Variants in SFMBT2 observed in about 807,000 individuals in gnomAD.
The protein encoded by SFMBT2 is scm-like with four MBT domains protein 2.
SFMBT2 carries 38 observed loss-of-function variants against 110.1 expected under a neutral mutation model. The observed-to-expected ratio is 0.35, with a 90% CI of 0.27 to 0.45. The LOEUF is 0.45. Ranked by LOEUF, SFMBT2 falls within the 20% of genes least tolerant of loss-of-function variation. The pLI is 1.00. For missense variants in SFMBT2, 1,011 were observed against 1,094.9 expected, an observed-to-expected ratio of 0.92 and a Z score of 1.08; for synonymous variants, 425 against 425.4, an observed-to-expected ratio of 1.00 and a Z score of 0.01.
At chr10:7,398,621 T>C (rs1395253077) in intron 1 of SFMBT2, among the ~76,000 whole-genome samples, 1 of 152,058 alleles carries the variant, frequency 6.6e-6, no homozygotes. Flanking sequence ...ATGGTGTAAA[T>C]GGGGCCTTAT....
At chr10:7,288,427 T>C (rs984998212) in intron 4 of SFMBT2, among the ~76,000 whole-genome samples, 8 of 152,320 alleles carry the variant, frequency 5.3e-5, no homozygotes, top group South Asian at 2.1e-4. Flanking sequence ...CATACTCACA[T>C]GGAAATACAA....
intron 4 of SFMBT2, among the ~76,000 whole-genome samples, chr10:7,325,710 T>A (rs542574428): frequency 1.3e-5 from 2 of 152,340 alleles, no homozygotes; most frequent in African/African-American, 4.8e-5. Flanking sequence ...ATCTTTTATC[T>A]ACTTAACAAT....
At chr10:7,407,465 C>T (rs1846250765) in intron 1 of SFMBT2, among the ~76,000 whole-genome samples, 1 of 152,074 alleles carries the variant, frequency 6.6e-6, no homozygotes, top group African/African-American at 2.4e-5. Flanking sequence ...AATTGGTTTC[C>T]CACCAATGGC....
intron 6 of SFMBT2, among the ~76,000 whole-genome samples, chr10:7,278,570 G>T (rs1487419303): frequency 6.6e-6 from 1 of 152,216 alleles, no homozygotes. Context: ...TTTCCAGCAA[G>T]CTGGGCAGGC....
chr10:7,306,764 A>C (rs1175718241), intron 4 of SFMBT2, among the ~76,000 whole-genome samples: 1 of 152,148 alleles, frequency 6.6e-6, no homozygotes, highest in Non-Finnish European at 1.5e-5. Flanking sequence ...AAGGAAAGAG[A>C]AAATGATATG....
rs1202915065 is a variant in SFMBT2, at chr10:7,368,244, C to T, written c.196-355G>A. The T allele has an allele frequency of 1.3e-5, 9 of 708,876 alleles. No homozygotes were observed. The South Asian group carries it at 4.4e-4, about 35-fold the overall frequency. 43.9% of individuals were successfully genotyped at this position (708,876 alleles called of 1,614,324 possible). ...CCTCTAAAACCTGGTGTGTATTCTA[C>T]ACTCAGAGCACATCTGAATGTGGAC... On this transcript the variant is annotated intron_variant, in intron 3 of 20. Transcript: ENST00000397167.
intron 1 of SFMBT2, among the ~76,000 whole-genome samples, chr10:7,403,617 G>A (rs564402117): frequency 3.2e-4 from 48 of 152,226 alleles, no homozygotes; most frequent in Non-Finnish European, 5.7e-4. Flanking sequence ...ACTCCAGCCT[G>A]GATGACAGAG....
intron 4 of SFMBT2, among the ~76,000 whole-genome samples, chr10:7,323,567 G>T (rs544867452): frequency 3.3e-5 from 5 of 151,950 alleles, no homozygotes; most frequent in African/African-American, 1.2e-4. Flanking sequence ...TATTACATGG[G>T]GTTTCAACTA....
chr10:7,351,594 G>A (rs866175012), intron 4 of SFMBT2, among the ~76,000 whole-genome samples: 7 of 152,118 alleles, frequency 4.6e-5, no homozygotes, highest in Non-Finnish European at 8.8e-5. Context: ...AAACATTCAC[G>A]CAGCCTTACT....
intron 1 of SFMBT2, among the ~76,000 whole-genome samples, chr10:7,402,683 A>G (rs971331303): frequency 5.9e-5 from 9 of 152,216 alleles, no homozygotes; most frequent in African/African-American, 2.2e-4. Flanking sequence ...TCCCAGACCA[A>G]CAGTACCACG....
chr10:7,165,982 A>G (rs1269653586), intron 20 of SFMBT2, among the ~76,000 whole-genome samples: 1 of 152,222 alleles, frequency 6.6e-6, no homozygotes, highest in Non-Finnish European at 1.5e-5. Flanking sequence ...TAATACATCA[A>G]ATTACACCAA....
intron 7 of SFMBT2, among the ~76,000 whole-genome samples, chr10:7,269,951 G>A (rs1445254157): frequency 6.6e-6 from 1 of 151,786 alleles, no homozygotes; most frequent in Non-Finnish European, 1.5e-5. Context: ...GAGTGCCACT[G>A]TGTTATTTCT....
intron 7 of SFMBT2, among the ~76,000 whole-genome samples, chr10:7,274,455 T>C (rs1028656057): frequency 2.0e-5 from 3 of 152,208 alleles, no homozygotes; most frequent in Admixed American, 1.3e-4. Context: ...GTTTCTCCCA[T>C]GCTATTCTCC....
chr10:7,370,859 G>A (rs1262104504), intron 2 of SFMBT2: 29 of 964,410 alleles, frequency 3.0e-5, no homozygotes, highest in Non-Finnish European at 3.6e-5. Flanking sequence ...AAGAGAAAAT[G>A]AGGCCCCAAA....
chr10:7,366,434 A>C lies in SFMBT2; in HGVS notation c.436+1215T>G, dbSNP rs186767915. On this transcript the variant is annotated intron_variant, in intron 4 of 20. Transcript: ENST00000397167. ...TCAGAAAAACAATATATCATAACAAAAAAAAAAAAAAAAAGATAGAGCTCC... is the reference window on the plus strand; with the variant it reads ...TCAGAAAAACAATATATCATAACAACAAAAAAAAAAAAAAGATAGAGCTCC... Among the ~76,000 whole-genome samples, 257 of 151,268 alleles carry C rather than the reference A, an allele frequency of 1.7e-3. 2 individuals are homozygous for C. The East Asian group carries it at 0.044, about 26-fold the overall frequency.
intron 13 of SFMBT2, among the ~76,000 whole-genome samples, chr10:7,202,120 T>C (rs561762029): frequency 2.6e-5 from 4 of 152,214 alleles, no homozygotes; most frequent in African/African-American, 9.6e-5. Context: ...ATTCTGAGTG[T>C]GGTGAGGGGC....
chr10:7,351,399 C>A (rs1332299011), intron 4 of SFMBT2, among the ~76,000 whole-genome samples: 2 of 152,184 alleles, frequency 1.3e-5, no homozygotes, highest in African/African-American at 4.8e-5. Flanking sequence ...CTTAGCACTG[C>A]TCTAAGGAGT....
At chr10:7,384,098 C>G (rs944733114) in intron 1 of SFMBT2, among the ~76,000 whole-genome samples, 1 of 150,064 alleles carries the variant, frequency 6.7e-6, no homozygotes, top group Non-Finnish European at 1.5e-5. Context: ...GTAATCCCAG[C>G]TACTCGGGAA....
chr10:7,352,891 G>T (rs1227563351), intron 4 of SFMBT2, among the ~76,000 whole-genome samples: 7 of 152,092 alleles, frequency 4.6e-5, no homozygotes, highest in Non-Finnish European at 7.4e-5. Flanking sequence ...GGCACCTGTA[G>T]TTCCAGCTAC....
Sources: allele counts gnomAD v4.1 joint callset (sites outside exome capture counted in the v4.1 genomes callset), GRCh38; gene constraint gnomAD v4.1.1; transcripts MANE v1.5; gene names NCBI Gene and HGNC (gene_info 2026-07-23, HGNC 2026-07-21).